ARFGEF1: variants seen among roughly 807,000 people sequenced by gnomAD.
The protein encoded by ARFGEF1 is ARF guanine nucleotide exchange factor 1, also known as brefeldin A-inhibited guanine nucleotide-exchange protein 1.
In ARFGEF1, 42 loss-of-function variants were observed where a neutral mutation model predicts 231.0. The ratio of observed to expected loss-of-function variants is 0.18; its 90% CI spans 0.14 to 0.24. ARFGEF1 has a LOEUF of 0.24. Ranked by LOEUF, ARFGEF1 falls within the 10% of genes least tolerant of loss-of-function variation. The pLI, the probability that ARFGEF1 is intolerant of heterozygous loss-of-function variation, is 1.00. For synonymous variants in ARFGEF1, 710 were observed against 732.3 expected (o/e 0.97, Z 0.49); for missense variants, 1,345 against 2,192.0 (o/e 0.61, Z 7.72).
intron 6 of ARFGEF1, among the ~76,000 whole-genome samples, chr8:67,289,025 A>G (rs1805884346): frequency 1.3e-5 from 2 of 152,184 alleles, no homozygotes; most frequent in South Asian, 4.1e-4. Flanking sequence ...CCTAAGAGAA[A>G]CTGATGAAAT....
At chr8:67,201,636 T>C in intron 36 of ARFGEF1, 31 bp from the exon 37 acceptor site, 2 of 1,612,146 alleles carry the variant, frequency 1.2e-6, no homozygotes, top group Non-Finnish European at 1.7e-6. Flanking sequence ...TGGGATTAGT[T>C]TGGGAAGGCA....
chr8:67,230,179 T>C (rs1181877612), intron 23 of ARFGEF1, among the ~76,000 whole-genome samples: 1 of 152,054 alleles, frequency 6.6e-6, no homozygotes, highest in African/African-American at 2.4e-5. Flanking sequence ...TGTGGGGGCA[T>C]TTAAAGTCAA....
At chr8:67,249,801 T>A (rs933813209) in intron 19 of ARFGEF1, among the ~76,000 whole-genome samples, 9 of 152,098 alleles carry the variant, frequency 5.9e-5, no homozygotes, top group African/African-American at 2.2e-4. Flanking sequence ...TTTGTACTTT[T>A]AGTAGAGATG....
At chr8:67,320,338 A>T (rs1176918024) in intron 1 of ARFGEF1, among the ~76,000 whole-genome samples, 3 of 152,100 alleles carry the variant, frequency 2.0e-5, no homozygotes, top group Admixed American at 6.6e-5. Context: ...GTTAAATTTT[A>T]AAAATACTGA....
downstream of ARFGEF1, chr8:67,196,328 C>G (rs1160875402): frequency 1.3e-5 from 2 of 152,108 alleles, no homozygotes; most frequent in East Asian, 1.9e-4. Context: ...GTGGGGACAC[C>G]CGGGAGTCAA....
chr8:67,225,718 T>A (rs1839350408), intron 28 of ARFGEF1, among the ~76,000 whole-genome samples: 1 of 152,110 alleles, frequency 6.6e-6, no homozygotes, highest in Admixed American at 6.6e-5. Context: ...GGGCACATTT[T>A]AAAATTTCTC....
chr8:67,242,933 T>C (rs1396055269), intron 19 of ARFGEF1, among the ~76,000 whole-genome samples: 2 of 152,142 alleles, frequency 1.3e-5, no homozygotes, highest in African/African-American at 2.4e-5. Flanking sequence ...CTCTTCTGCC[T>C]GTGAAAAGGG....
At chr8:67,222,115 C>T (rs1031676589) in intron 29 of ARFGEF1, among the ~76,000 whole-genome samples, 1 of 147,338 alleles carries the variant, frequency 6.8e-6, no homozygotes, top group Non-Finnish European at 1.5e-5. Context: ...GCATGCCCAG[C>T]CTACAGGTTT....
Position 67,299,327 on chromosome 8 carries a change from C to T in ARFGEF1, c.341G>A (p.Gly114Asp), listed in dbSNP as rs762869514. Residue 114 changes from glycine (G) to aspartate (D), a missense_variant, in exon 4 of 39, where the codon GGC becomes GAC. By Grantham distance (94) the Gly-to-Asp change is moderately conservative. Around this residue, in one of 14 missense-constraint regions of ARFGEF1, gnomAD observed 398 missense variants for 463.2 expected, o/e 0.86. Transcript: ENST00000262215. Reference sequence around the variant, plus strand: ...TGGTGTTGTACTATCTGGAGCATTGCCAGTCAAGTGCCCATAAGCAATAAG... The same window carrying T: ...TGGTGTTGTACTATCTGGAGCATTGTCAGTCAAGTGCCCATAAGCAATAAG... ...QKLIAYGHLT[G>D]NAPDSTTPGK... 6.2e-7 allele frequency: 1 copy of T among 1,606,590 alleles called. No individual in the cohort carries two copies. Among genetic ancestry groups the T allele is most frequent in the Non-Finnish European group, 8.5e-7 (1 of 1,178,138 alleles).
chr8:67,200,330 G>A (rs745390438), intron 38 of ARFGEF1, 66 bp downstream of exon 38: 62 of 1,170,328 alleles, frequency 5.3e-5, no homozygotes, highest in Non-Finnish European at 7.2e-5. Context: ...CGGCGGCTCT[G>A]GGACCCCGCA....
chr8:67,297,744 T>C (rs2128913232), intron 4 of ARFGEF1, among the ~76,000 whole-genome samples: 1 of 152,270 alleles, frequency 6.6e-6, no homozygotes, highest in South Asian at 2.1e-4. Context: ...TAATGGGCAT[T>C]ATCTTAAACC....
intron 14 of ARFGEF1, among the ~76,000 whole-genome samples, chr8:67,263,348 T>C (rs961688105): frequency 6.6e-6 from 1 of 152,226 alleles, no homozygotes; most frequent in Non-Finnish European, 1.5e-5. Context: ...GCCCATATTC[T>C]AATGCACCCT....
intron 6 of ARFGEF1, among the ~76,000 whole-genome samples, chr8:67,289,503 T>G (rs1481801723): frequency 1.4e-5 from 2 of 143,018 alleles, no homozygotes; most frequent in Non-Finnish European, 3.0e-5. Context: ...GACCCATGAT[T>G]GTGTAATTGC....
chr8:67,339,036 A>G (rs1282441208), intron 1 of ARFGEF1, among the ~76,000 whole-genome samples: 1 of 152,230 alleles, frequency 6.6e-6, no homozygotes, highest in Non-Finnish European at 1.5e-5. Context: ...GGGTGGGATT[A>G]AAGGGGCAGA....
At chr8:67,314,401 C>T (rs1057187010) in intron 1 of ARFGEF1, among the ~76,000 whole-genome samples, 3 of 152,156 alleles carry the variant, frequency 2.0e-5, no homozygotes, top group African/African-American at 4.8e-5. Context: ...TGATGCCAGG[C>T]AGGAATGGGC....
intron 1 of ARFGEF1, among the ~76,000 whole-genome samples, chr8:67,310,968 G>GGGGGTCAGCTCTCC (rs574813309): frequency 2.8e-5 from 4 of 145,342 alleles, no homozygotes; most frequent in Non-Finnish European, 4.5e-5. Context: ...AGGGAGGTGG[G>GGGGGTCAGCTCTCC]GCCCGGGAGG....
intron 33 of ARFGEF1, among the ~76,000 whole-genome samples, chr8:67,213,349 A>G (rs1838816709): frequency 6.6e-6 from 1 of 152,212 alleles, no homozygotes; most frequent in South Asian, 2.1e-4. Context: ...TGTTTCAAGG[A>G]TAATTTTTTG....
intron 14 of ARFGEF1, among the ~76,000 whole-genome samples, chr8:67,264,960 AAT>A (rs1211011230): frequency 2.6e-5 from 4 of 152,198 alleles, no homozygotes; most frequent in South Asian, 4.1e-4. Context: ...CCAAGTACCA[AAT>A]ATGTGTTTAC....
Position 67,325,223 on chromosome 8 carries a change from C to CTTT in ARFGEF1, c.124+17938_124+17940dup, listed in dbSNP as rs767351969. ...CCACCACACCAGGCCGAAAAATCCACTTTTTTTTTTTTTTTAACAGAAAAT... is the reference window on the plus strand; with the variant it reads ...CCACCACACCAGGCCGAAAAATCCACTTTTTTTTTTTTTTTTTTAACAGAAAAT... On this transcript the variant is annotated intron_variant, in intron 1 of 38. Coordinates refer to ENST00000262215, the MANE Select transcript of ARFGEF1 (RefSeq NM_006421.5). 2.7e-4 allele frequency among the ~76,000 whole-genome samples: 39 copies of CTTT among 143,370 alleles called. 1 individual carries two copies. Among genetic ancestry groups the CTTT allele is most frequent in the African/African-American group, 7.9e-4 (31 of 39,474 alleles). The allele number at this position is 143,370 out of a possible 152,430, so 94.1% of individuals were successfully genotyped here.
Sources: allele counts gnomAD v4.1 joint callset (sites outside exome capture counted in the v4.1 genomes callset), GRCh38; gene constraint gnomAD v4.1.1; regional missense constraint gnomAD v4.1.1; transcripts MANE v1.5; gene names NCBI Gene and HGNC (gene_info 2026-07-23, HGNC 2026-07-21).